The following RADIL variants were observed in gnomAD, a reference collection of about 807,000 sequenced individuals.
RADIL encodes ras-associating and dilute domain-containing protein.
RADIL carries 99 observed loss-of-function variants against 97.6 expected under a neutral mutation model. The ratio of observed to expected loss-of-function variants is 1.01; its 90% confidence interval spans 0.86 to 1.20. The LOEUF is 1.20. Ranked by LOEUF, RADIL falls within the 50% of genes most tolerant of loss-of-function variation. RADIL has a pLI of 0.00. For synonymous variants in RADIL, 803 were observed against 691.8 expected, an observed-to-expected ratio of 1.16 and a Z score of -2.52; for missense variants, 1,765 against 1,498.9, an observed-to-expected ratio of 1.18 and a Z score of -2.93.
At chr7:4,839,369 T>A (rs972802668) in intron 2 of RADIL, among the ~76,000 whole-genome samples, 3 of 152,308 alleles carry the variant, frequency 2.0e-5, no homozygotes, top group Admixed American at 6.5e-5. Flanking sequence ...ATTTCCGTTT[T>A]TTTTAATTCG....
rs114396417 is a variant in RADIL, at chr7:4,881,882, A to C, written c.-65+1714T>G. Among the ~76,000 whole-genome samples the C allele has an allele frequency of 5.1e-3, 770 of 152,328 alleles. 7 individuals carry two copies. The highest frequency in any genetic ancestry group is 0.018 in the African/African-American group (728 of 41,578). ...AAAACAAATAGAAAATTACAAACAC[A>C]CAACTGCTAGGTCTCCTCCCAGGGT... On this transcript the variant is annotated intron_variant, in intron 1 of 14. Transcript: ENST00000399583.
In RADIL at chr7:4,799,756, C is replaced by G. The variant is rs377544919; in HGVS notation, c.2996G>C (p.Gly999Ala). 16 of 1,540,196 alleles carry G rather than the reference C, an allele frequency of 1.0e-5. No individual in the cohort carries two copies. In the African/African-American group the frequency reaches 2.2e-4, roughly 21 times the overall value. ...GGTCTGGATGTAGAGCCCGGGGGCG[C>G]CCAGGTGCGTGTGCTGGGGACAAGC... ...GLIDGMHTHL[G>A]APGLYIQTLL... The change falls in exon 14 of 15, where the codon GGC becomes GCC. Residue 999 changes from glycine (G) to alanine (A), a missense_variant. Gly to Ala is a moderately conservative substitution (Grantham distance 60). Transcript: ENST00000399583.
intron 2 of RADIL, among the ~76,000 whole-genome samples, chr7:4,839,081 G>A (rs1783379460): frequency 6.6e-6 from 1 of 152,262 alleles, no homozygotes; most frequent in South Asian, 2.1e-4. Flanking sequence ...GTAGCCAGCT[G>A]TGTACGTGAC....
Position 4,880,516 on chromosome 7 carries a change from G to A in RADIL, c.-64-2313C>T, listed in dbSNP as rs985565573. Among the ~76,000 whole-genome samples the A allele has an allele frequency of 3.9e-5, 6 of 152,124 alleles. No individual in the cohort carries two copies. Among genetic ancestry groups the A allele is most frequent in the Non-Finnish European group, 7.3e-5 (5 of 68,028 alleles). ...ACCCCTCAAAGAGCCTCTCCAGCCG[G>A]CACTTATTAACCATCCATGAGAGCT... On this transcript the variant is annotated intron_variant, in intron 1 of 14. Transcript: ENST00000399583. This position sits in a 1 kb window ranked among gnomAD's most constrained non-coding sequence, Gnocchi z 4.5.
At position 4,837,978 on chromosome 7, in the gene RADIL, C is replaced by T. The variant is rs1783345265; in HGVS notation, c.536-1373G>A. The T allele has an allele frequency of 4.1e-6, 4 of 985,300 alleles. No homozygotes were observed. The highest frequency in any genetic ancestry group is 4.7e-5 in the South Asian group (1 of 21,296). 61.0% of individuals were successfully genotyped at this position (985,300 alleles called of 1,614,324 possible). On this transcript the variant is annotated intron_variant, in intron 2 of 14. Transcript: ENST00000399583. This position sits in a 1 kb window ranked among gnomAD's most constrained non-coding sequence, Gnocchi z 5.6. ...CAAACAAAAGCCGGATGGAGGGAGG[C>T]GTCAGCTGGCTGAGGAAGACCCTTA...
intron 10 of RADIL, among the ~76,000 whole-genome samples, chr7:4,804,489 A>C (rs1053921595): frequency 6.6e-6 from 1 of 152,250 alleles, no homozygotes; most frequent in African/African-American, 2.4e-5. Flanking sequence ...TAATCTACAC[A>C]TTATAATGCA....
At chr7:4,853,725 A>G (rs1009865661) in intron 2 of RADIL, among the ~76,000 whole-genome samples, 1 of 144,702 alleles carries the variant, frequency 6.9e-6, no homozygotes, top group Non-Finnish European at 1.5e-5. Context: ...CTGGGCAACA[A>G]CAGTGAAACT....
chr7:4,861,577 G>A (rs772110458), intron 2 of RADIL: 7 of 1,613,572 alleles, frequency 4.3e-6, no homozygotes, highest in South Asian at 2.2e-5. Flanking sequence ...CACTGATTTC[G>A]CGTATCCATT....
chr7:4,843,029 A>C (rs958617028), intron 2 of RADIL, among the ~76,000 whole-genome samples: 4 of 143,244 alleles, frequency 2.8e-5, no homozygotes, highest in African/African-American at 1.0e-4. Flanking sequence ...TTTTTTGAGA[A>C]GGAGTCTTGC....
rs906886049 is a variant in RADIL at position 4,854,008 on chromosome 7, T to C, written c.536-17403A>G. Among the ~76,000 whole-genome samples the C allele has an allele frequency of 1.3e-5, 2 of 152,186 alleles. No homozygotes were observed. The highest frequency in any genetic ancestry group is 1.3e-4 in the Admixed American group (2 of 15,280). On this transcript the variant is annotated intron_variant, in intron 2 of 14. Transcript: ENST00000399583. The surrounding 1 kb of genome is among the most constrained non-coding windows in gnomAD (Gnocchi z 5.1). ...TCAGTGAAAGATGAGGGGATGCCGC[T>C]GTTGGGACTTCTCCGAAAGCTCCAT...
intron 2 of RADIL, chr7:4,865,754 G>T: frequency 9.4e-7 from 1 of 1,060,006 alleles, no homozygotes. Context: ...TTCAGAACCT[G>T]CTTATTTTTT....
At chr7:4,845,931 T>A (rs562135036) in intron 2 of RADIL, among the ~76,000 whole-genome samples, 6 of 151,968 alleles carry the variant, frequency 3.9e-5, no homozygotes, top group Admixed American at 3.9e-4. Context: ...AACCAGGGGC[T>A]GTAGCCAGTT....
At chr7:4,804,049 C>G in intron 10 of RADIL, 1 of 449,616 alleles carries the variant, frequency 2.2e-6, no homozygotes, top group Non-Finnish European at 4.2e-6. Flanking sequence ...CTGGGCCTGT[C>G]TCTGCCCCAC....
In RADIL at chr7:4,834,661, GC is replaced by G; in HGVS notation, c.1361del (p.Gly454AlafsTer10). 7.3e-7 allele frequency: 1 copy of G among 1,366,954 alleles called. No homozygotes were observed. The highest frequency in any genetic ancestry group is 2.2e-5 in the South Asian group (1 of 45,538). 84.7% of individuals were successfully genotyped at this position (1,366,954 alleles called of 1,614,324 possible). ...TCTTGAGCAGGAGCTGCCCGAATGTGCCCGGCTGGAAGTGGGTGGCCGAGTG... is the reference window on the plus strand; with the variant it reads ...TCTTGAGCAGGAGCTGCCCGAATGTGCCGGCTGGAAGTGGGTGGCCGAGTG... ...IQHSATHFQP[G>X]TFGQLLLKIA... On this transcript the variant is annotated frameshift_variant, in exon 4 of 15. Coordinates refer to ENST00000399583, the MANE Select transcript of RADIL (RefSeq NM_018059.5). LOFTEE classifies it high-confidence loss of function. This position sits in a 1 kb window ranked among gnomAD's most constrained non-coding sequence, Gnocchi z 6.0.
At chr7:4,809,597 C>T (rs1159749561) in intron 9 of RADIL, 8 of 985,348 alleles carry the variant, frequency 8.1e-6, no homozygotes, top group Non-Finnish European at 9.6e-6. Context: ...CCTGCAGACA[C>T]GCTCCTTGAA....
intron 2 of RADIL, among the ~76,000 whole-genome samples, chr7:4,869,717 A>C (rs563920951): frequency 4.6e-5 from 7 of 152,112 alleles, no homozygotes; most frequent in African/African-American, 1.7e-4. Context: ...CTAAAACCAC[A>C]TAGTTTCAAT....
rs1053068269 is a variant in RADIL at position 4,824,904 on chromosome 7, G to A, written c.1455-2350C>T. Among the ~76,000 whole-genome samples, 11 of 152,194 alleles carry A rather than the reference G, an allele frequency of 7.2e-5. No homozygotes were observed. Among genetic ancestry groups the A allele is most frequent in the Non-Finnish European group, 1.5e-4 (10 of 68,046 alleles). ...CGGAACCCGGAGGGTAGACAGGCCT[G>A]TCCCAGGAAACAAGTGACCAGGCTT... On this transcript the variant is annotated intron_variant, in intron 5 of 14. Transcript: ENST00000399583. This position sits in a 1 kb window ranked among gnomAD's most constrained non-coding sequence, Gnocchi z 6.7.
chr7:4,801,517 G>A (rs915805005), intron 12 of RADIL, 136 bp downstream of exon 12: 48 of 953,300 alleles, frequency 5.0e-5, no homozygotes, highest in Non-Finnish European at 6.9e-5. Flanking sequence ...ATCTGGCCCC[G>A]TCTCAGGTTG....
At chr7:4,861,752 C>T (rs747508168) in intron 2 of RADIL, 4 of 1,502,442 alleles carry the variant, frequency 2.7e-6, no homozygotes, top group Non-Finnish European at 3.5e-6. Flanking sequence ...GACGCCGTAG[C>T]GATTCGGCGG....
Sources: allele counts gnomAD v4.1 joint callset (sites outside exome capture counted in the v4.1 genomes callset), GRCh38; gene constraint gnomAD v4.1.1; non-coding constraint Gnocchi (gnomAD v3.1); transcripts MANE v1.5; gene names NCBI Gene and HGNC (gene_info 2026-07-23, HGNC 2026-07-21).